Variants in CSMD1 observed in about 807,000 individuals in gnomAD.
The protein encoded by CSMD1 is CUB and sushi domain-containing protein 1.
CSMD1 carries 213 observed loss-of-function variants against 417.5 expected under a neutral mutation model. The ratio of observed to expected loss-of-function variants is 0.51; its 90% CI spans 0.46 to 0.57. The LOEUF is 0.57. Ranked by LOEUF, CSMD1 falls within the 20% of genes least tolerant of loss-of-function variation. The pLI is 0.00. For missense variants in CSMD1, 6,923 were observed against 4,529.7 expected (o/e 1.53, Z -15.17); for synonymous variants, 2,862 against 1,736.8 (o/e 1.65, Z -16.11).
chr8:3,222,040 TC>T (rs1348491369), intron 28 of CSMD1, among the ~76,000 whole-genome samples: 1 of 151,960 alleles, frequency 6.6e-6, no homozygotes, highest in African/African-American at 2.4e-5. Context: ...CCTCACTACT[TC>T]CCAGGTAGAT....
chr8:4,804,208 C>A (rs1258051953), intron 1 of CSMD1, among the ~76,000 whole-genome samples: 1 of 151,992 alleles, frequency 6.6e-6, no homozygotes, highest in Non-Finnish European at 1.5e-5. Flanking sequence ...AAATTTAAAC[C>A]ATATTTAACT....
At chr8:3,468,418 G>A (rs1343226602) in intron 12 of CSMD1, among the ~76,000 whole-genome samples, 1 of 152,066 alleles carries the variant, frequency 6.6e-6, no homozygotes, top group Admixed American at 6.6e-5. Flanking sequence ...AATATGATAT[G>A]GTCAAAAGAT....
At chr8:3,658,871 T>C (rs549904546) in intron 7 of CSMD1, among the ~76,000 whole-genome samples, 2 of 152,236 alleles carry the variant, frequency 1.3e-5, no homozygotes, top group Non-Finnish European at 2.9e-5. Context: ...TTCCAGGGGA[T>C]GTTTCGAATG....
chr8:3,154,766 A>T (rs1819413679), intron 39 of CSMD1, among the ~76,000 whole-genome samples: 1 of 152,154 alleles, frequency 6.6e-6, no homozygotes, highest in African/African-American at 2.4e-5. Flanking sequence ...TTGATATATT[A>T]ACCTCTAGAG....
At chr8:3,656,975 G>T (rs79378384) in intron 7 of CSMD1, among the ~76,000 whole-genome samples, 8,582 of 151,782 alleles carry the variant, frequency 0.057, 774 homozygotes, top group African/African-American at 0.19. Context: ...AAGCCAATCA[G>T]TGAATTTTAG....
chr8:3,312,688 C>T (rs988688279), intron 23 of CSMD1, among the ~76,000 whole-genome samples: 16 of 152,146 alleles, frequency 1.1e-4, no homozygotes, highest in East Asian at 3.9e-4. Flanking sequence ...GCTTCTACTT[C>T]GTGTCACTTG....
chr8:4,006,492 C>A (rs1816126005), intron 4 of CSMD1, among the ~76,000 whole-genome samples: 1 of 152,212 alleles, frequency 6.6e-6, no homozygotes, highest in Admixed American at 6.5e-5. Context: ...TGCAGTGAGC[C>A]AAGATCACCC....
chr8:4,309,349 GA>G lies in CSMD1; in HGVS notation c.415+110603del, dbSNP rs1304258635. On this transcript the variant is annotated intron_variant, in intron 3 of 69. Coordinates refer to ENST00000635120, the MANE Select transcript of CSMD1 (RefSeq NM_033225.6). ...AAAATGAGATGAGAAGTTTTTTTAG[GA>G]AAAAAACTAATCTTTTGTTCTGTAG... Among the ~76,000 whole-genome samples the G allele has an allele frequency of 3.9e-5, 6 of 151,904 alleles. No homozygotes were observed. The East Asian group carries it at 1.2e-3, about 29-fold the overall frequency.
chr8:3,257,732 A>C (rs1800764182), intron 26 of CSMD1, among the ~76,000 whole-genome samples: 1 of 152,114 alleles, frequency 6.6e-6, no homozygotes, highest in African/African-American at 2.4e-5. Context: ...TTGGAGAAGC[A>C]TGGACATTTC....
At chr8:3,877,661 T>G (rs921005808) in intron 5 of CSMD1, among the ~76,000 whole-genome samples, 2 of 142,554 alleles carry the variant, frequency 1.4e-5, no homozygotes, top group African/African-American at 2.9e-5. Context: ...TATTTTCCCC[T>G]GAATAAGGGT....
At chr8:3,400,044 TTCAA>T (rs1216197092) in intron 15 of CSMD1, among the ~76,000 whole-genome samples, 1 of 152,180 alleles carries the variant, frequency 6.6e-6, no homozygotes, top group Admixed American at 6.5e-5. Flanking sequence ...AAACAAAATG[TTCAA>T]TCAAATTTGA....
intron 3 of CSMD1, among the ~76,000 whole-genome samples, chr8:4,036,861 A>C (rs559674612): frequency 1.8e-4 from 28 of 152,262 alleles, no homozygotes; most frequent in South Asian, 4.2e-4. Context: ...TCTCTGCATG[A>C]GGTATGTCCA....
chr8:4,413,457 G>C (rs1796758054), intron 3 of CSMD1, among the ~76,000 whole-genome samples: 1 of 152,142 alleles, frequency 6.6e-6, no homozygotes, highest in Non-Finnish European at 1.5e-5. Flanking sequence ...CTAATGACTT[G>C]ATTGTCTTAA....
At chr8:3,187,039 C>T (rs1388512048) in intron 36 of CSMD1, among the ~76,000 whole-genome samples, 1 of 152,210 alleles carries the variant, frequency 6.6e-6, no homozygotes, top group African/African-American at 2.4e-5. Flanking sequence ...GCCACTGCAC[C>T]TGGCCATACT....
At chr8:4,146,635 A>G (rs1430455533) in intron 3 of CSMD1, among the ~76,000 whole-genome samples, 1 of 67,364 alleles carries the variant, frequency 1.5e-5, no homozygotes, top group East Asian at 3.3e-4. Context: ...TTTTTGAGAC[A>G]GAGTCTCGAT....
At chr8:3,538,970 C>G (rs1010724224) in intron 10 of CSMD1, among the ~76,000 whole-genome samples, 1 of 152,180 alleles carries the variant, frequency 6.6e-6, no homozygotes, top group South Asian at 2.1e-4. Context: ...CATCTCCCTT[C>G]TAGAAATCCT....
intron 2 of CSMD1, among the ~76,000 whole-genome samples, chr8:4,472,937 A>G (rs971316268): frequency 7.9e-5 from 12 of 151,960 alleles, no homozygotes; most frequent in Middle Eastern, 3.3e-3. Context: ...ACTCCATTCT[A>G]TGTAAATCTA....
chr8:4,274,157 A>AT (rs1563371143), intron 3 of CSMD1, among the ~76,000 whole-genome samples: 1 of 152,094 alleles, frequency 6.6e-6, no homozygotes, highest in Admixed American at 6.6e-5. Flanking sequence ...TCACTAATGT[A>AT]TTTTTTTGCA....
rs72331833 is a variant in CSMD1 at position 3,720,620 on chromosome 8, T to TTCTCACACACACACACACAC, written c.932-12130_932-12129insGTGTGTGTGTGTGTGTGAGA. ...CATTGGTGGTCAAAGTCTTTATTCT[T>TTCTCACACACACACACACAC]ACACACACACACACACACACACACA... On this transcript the variant is annotated intron_variant, in intron 6 of 69. Coordinates refer to ENST00000635120, the MANE Select transcript of CSMD1 (RefSeq NM_033225.6). 9.8e-3 allele frequency among the ~76,000 whole-genome samples: 1,409 copies of TTCTCACACACACACACACAC among 143,384 alleles called. 37 individuals carry two copies. The highest frequency in any genetic ancestry group is 0.033 in the African/African-American group (1,247 of 37,904). 94.1% of individuals were successfully genotyped at this position (143,384 alleles called of 152,430 possible). A position where few individuals can be genotyped will look rare whatever the true frequency, so the allele number is the denominator to read the frequency against.
Sources: allele counts gnomAD v4.1 joint callset (sites outside exome capture counted in the v4.1 genomes callset), GRCh38; gene constraint gnomAD v4.1.1; transcripts MANE v1.5; gene names NCBI Gene and HGNC (gene_info 2026-07-23, HGNC 2026-07-21).